Variants in CAST observed in about 807,000 individuals in gnomAD.
The protein encoded by CAST is MIR583 host.
In CAST, 76 loss-of-function variants were observed where a neutral mutation model predicts 119.6. The observed-to-expected ratio is 0.64, with a 90% confidence interval of 0.53 to 0.77. CAST has a LOEUF of 0.77. Ranked by LOEUF, CAST falls within the 30% of genes least tolerant of loss-of-function variation. The pLI, the probability that CAST is intolerant of heterozygous loss-of-function variation, is 0.00. For synonymous variants in CAST, 319 were observed against 331.6 expected (o/e 0.96, Z 0.41); for missense variants, 953 against 946.5 (o/e 1.01, Z -0.09).
the CAST span, among the ~76,000 whole-genome samples, chr5:96,119,372 A>G: frequency 6.6e-6 from 1 of 152,182 alleles, no homozygotes; most frequent in Non-Finnish European, 1.5e-5. Flanking sequence ...TTTAAAATCT[A>G]GAGGTTTCAC....
chr5:96,621,124 C>T (rs4582302), intron 1 of CAST, among the ~76,000 whole-genome samples: 83,384 of 151,944 alleles, frequency 0.55, 22,945 homozygotes, highest in Non-Finnish European at 0.58. Context: ...GGTTAAGTGT[C>T]GTTTGTACTT....
intron 1 of CAST, among the ~76,000 whole-genome samples, chr5:96,622,200 C>CCTCAT (rs1747623601): frequency 1.3e-5 from 2 of 151,958 alleles, no homozygotes; most frequent in African/African-American, 2.4e-5. Flanking sequence ...TATCTCCTGA[C>CCTCAT]CTCATGATCC....
At chr5:96,332,603 G>T in the CAST span, among the ~76,000 whole-genome samples, 1 of 152,164 alleles carries the variant, frequency 6.6e-6, no homozygotes, top group Non-Finnish European at 1.5e-5. Flanking sequence ...ACTGAGATGT[G>T]AGTCCAAACT....
At chr5:96,698,906 T>C (rs544010628) in intron 3 of CAST, among the ~76,000 whole-genome samples, 2 of 152,334 alleles carry the variant, frequency 1.3e-5, no homozygotes, top group South Asian at 4.1e-4. Context: ...ATTTGAAGCA[T>C]ATGTGTAAGC....
At chr5:96,262,003 TC>T in the CAST span, among the ~76,000 whole-genome samples, 1 of 152,168 alleles carries the variant, frequency 6.6e-6, no homozygotes, top group Non-Finnish European at 1.5e-5. Context: ...ACTCAGAGAA[TC>T]AATTACCCAA....
chr5:96,476,870 C>T, the CAST span, among the ~76,000 whole-genome samples: 7 of 148,450 alleles, frequency 4.7e-5, no homozygotes, highest in African/African-American at 7.5e-5. Flanking sequence ...CACGAGTTGA[C>T]GGTTCTTGTC....
chr5:95,968,100 G>T, the CAST span, among the ~76,000 whole-genome samples: 1 of 152,128 alleles, frequency 6.6e-6, no homozygotes, highest in Admixed American at 6.5e-5. Flanking sequence ...AATGTGTCAG[G>T]TTATCACAGT....
upstream of CAST, among the ~76,000 whole-genome samples, chr5:96,527,327 A>G (rs1681828396): frequency 1.3e-5 from 2 of 152,174 alleles, no homozygotes; most frequent in African/African-American, 2.4e-5. Context: ...CACTCCAGCT[A>G]TCTGTTTAGG....
the CAST span, among the ~76,000 whole-genome samples, chr5:96,355,459 T>C: frequency 6.6e-6 from 1 of 152,252 alleles, no homozygotes; most frequent in Non-Finnish European, 1.5e-5. Context: ...TCCCAGTCTT[T>C]GCTATTGTGA....
At chr5:96,383,812 A>G in the CAST span, among the ~76,000 whole-genome samples, 1 of 152,230 alleles carries the variant, frequency 6.6e-6, no homozygotes, top group African/African-American at 2.4e-5. Context: ...GAAACATCAC[A>G]GTATGAATGG....
At chr5:96,335,555 C>T in the CAST span, among the ~76,000 whole-genome samples, 1,442 of 152,258 alleles carry the variant, frequency 9.5e-3, 31 homozygotes, top group African/African-American at 0.034. Flanking sequence ...CTTCTCATTA[C>T]TGATACTCTT....
At chr5:96,598,373 T>C (rs968528823) in intron 1 of CAST, among the ~76,000 whole-genome samples, 1 of 152,176 alleles carries the variant, frequency 6.6e-6, no homozygotes, top group Non-Finnish European at 1.5e-5. Context: ...GCCTCAGATA[T>C]GACCAGAGCC....
the CAST span, among the ~76,000 whole-genome samples, chr5:96,348,610 A>T: frequency 1.3e-5 from 2 of 152,158 alleles, no homozygotes; most frequent in South Asian, 2.1e-4. Flanking sequence ...ATTTTCCCCC[A>T]GTAGAAGACA....
the CAST span, among the ~76,000 whole-genome samples, chr5:96,479,712 T>A: frequency 9.9e-5 from 15 of 152,256 alleles, no homozygotes; most frequent in Admixed American, 2.0e-4. Flanking sequence ...CCTCCCAAAG[T>A]GCTGGGATTA....
the CAST span, among the ~76,000 whole-genome samples, chr5:96,016,267 A>G: frequency 6.6e-6 from 1 of 152,232 alleles, no homozygotes; most frequent in South Asian, 2.1e-4. Context: ...TCTCTGGTTG[A>G]ACCATGAGTG....
At chr5:96,568,159 G>A (rs1193620335) in intron 1 of CAST, among the ~76,000 whole-genome samples, 1 of 152,122 alleles carries the variant, frequency 6.6e-6, no homozygotes, top group Non-Finnish European at 1.5e-5. Context: ...TGTATCTGAT[G>A]CTGGGTTGAG....
the CAST span, among the ~76,000 whole-genome samples, chr5:96,027,448 G>A: frequency 6.6e-6 from 1 of 151,826 alleles, no homozygotes; most frequent in Admixed American, 6.6e-5. Flanking sequence ...ATTGAAAATG[G>A]GGGCCAGTGA....
the CAST span, chr5:96,432,923 G>A: frequency 6.2e-7 from 1 of 1,614,130 alleles, no homozygotes; most frequent in Non-Finnish European, 8.5e-7. Context: ...CCGGGCCCCC[G>A]GGGATCTCCG....
chr5:96,601,007 A>G (rs1247327406), intron 1 of CAST, among the ~76,000 whole-genome samples: 1 of 151,550 alleles, frequency 6.6e-6, no homozygotes. Context: ...TTACGAACCT[A>G]CCTCCCATCT....
Sources: allele counts gnomAD v4.1 joint callset (sites outside exome capture counted in the v4.1 genomes callset), GRCh38; gene constraint gnomAD v4.1.1; transcripts MANE v1.5; gene names NCBI Gene and HGNC (gene_info 2026-07-23, HGNC 2026-07-21).